Variants in ASTN2 observed in about 807,000 individuals in gnomAD.
ASTN2 encodes astrotactin 2.
ASTN2 carries 54 observed loss-of-function variants against 139.8 expected under a neutral mutation model. The observed-to-expected ratio is 0.39, with a 90% confidence interval of 0.31 to 0.48. The LOEUF is 0.48. Ranked by LOEUF, ASTN2 falls within the 20% of genes least tolerant of loss-of-function variation. The pLI is 0.95. For synonymous variants in ASTN2, 756 were observed against 719.5 expected, an observed-to-expected ratio of 1.05 and a Z score of -0.81; for missense variants, 1,565 against 1,725.1, an observed-to-expected ratio of 0.91 and a Z score of 1.64.
At chr9:116,526,354 G>A (rs781305207) in intron 19 of ASTN2, among the ~76,000 whole-genome samples, 3 of 152,204 alleles carry the variant, frequency 2.0e-5, no homozygotes, top group Non-Finnish European at 2.9e-5. Flanking sequence ...GCTCATGCCT[G>A]TAATCCCAGC....
intron 1 of ASTN2, among the ~76,000 whole-genome samples, chr9:117,346,606 C>T (rs1307511572): frequency 2.6e-5 from 4 of 152,140 alleles, no homozygotes; most frequent in African/African-American, 7.2e-5. Context: ...TTTCCTGACA[C>T]ATCGTTTAGC....
intron 1 of ASTN2, among the ~76,000 whole-genome samples, chr9:117,358,955 C>T (rs142913747): frequency 6.6e-6 from 1 of 152,124 alleles, no homozygotes; most frequent in African/African-American, 2.4e-5. Context: ...AAACGTTGAT[C>T]TCCAACATCG....
intron 13 of ASTN2, among the ~76,000 whole-genome samples, chr9:116,777,131 T>C (rs4837849): frequency 0.9 from 136,468 of 152,108 alleles, 61,929 homozygotes; most frequent in East Asian, 1. Flanking sequence ...ATGGAGCCAA[T>C]AGGTGCTGAT....
At chr9:117,384,128 C>T (rs1830338645) in intron 1 of ASTN2, among the ~76,000 whole-genome samples, 1 of 152,076 alleles carries the variant, frequency 6.6e-6, no homozygotes, top group Admixed American at 6.5e-5. Flanking sequence ...GACTGAGCTG[C>T]TGGGCGGGGT....
chr9:117,388,945 A>C (rs978195279), intron 1 of ASTN2, among the ~76,000 whole-genome samples: 1 of 152,232 alleles, frequency 6.6e-6, no homozygotes. Flanking sequence ...GTGCAAAGAA[A>C]CAAGTACAGA....
At chr9:117,362,544 G>T (rs79111420) in intron 1 of ASTN2, among the ~76,000 whole-genome samples, 3,488 of 152,196 alleles carry the variant, frequency 0.023, 80 homozygotes, top group South Asian at 0.11. Context: ...GGGTGAGGGG[G>T]TCCTATGGCC....
chr9:117,142,075 G>A (rs913848680), intron 3 of ASTN2, among the ~76,000 whole-genome samples: 1 of 152,170 alleles, frequency 6.6e-6, no homozygotes, highest in Non-Finnish European at 1.5e-5. Context: ...GAGCACGGAT[G>A]CTTGAGCATT....
Position 116,619,531 on chromosome 9 carries a change from ATGT to A in ASTN2, c.3206+776_3206+778del, listed in dbSNP as rs1160555029. On this transcript the variant is annotated intron_variant, in intron 18 of 22. Coordinates refer to ENST00000313400, the MANE Select transcript of ASTN2 (RefSeq NM_001365068.1). ...TTTTCACATTTTTCTTATTAAAAAA[ATGT>A]TGTTGTTGAGACAGGGTCTCACTCT... is the stretch of plus-strand genomic sequence containing the variant. Among the ~76,000 whole-genome samples the A allele has an allele frequency of 5.9e-5, 9 of 151,802 alleles. No individual in the cohort carries two copies. In the South Asian group the frequency reaches 6.2e-4, roughly 11 times the overall value.
chr9:117,060,946 G>A (rs185429165), intron 5 of ASTN2, among the ~76,000 whole-genome samples: 123 of 152,026 alleles, frequency 8.1e-4, no homozygotes, highest in African/African-American at 2.8e-3. Flanking sequence ...AAGTAGACAC[G>A]ATAGAATTTA....
At chr9:117,006,738 C>A (rs10983457) in intron 7 of ASTN2, among the ~76,000 whole-genome samples, 1 of 152,064 alleles carries the variant, frequency 6.6e-6, no homozygotes, top group Non-Finnish European at 1.5e-5. Flanking sequence ...GACCACCATG[C>A]CCCCAAACTT....
In ASTN2 at chr9:117,159,626, A is replaced by G. The variant is rs956256515; in HGVS notation, c.1016-18148T>C. 2.0e-5 allele frequency among the ~76,000 whole-genome samples: 3 copies of G among 152,034 alleles called. No homozygotes were observed. In the South Asian group the frequency reaches 6.2e-4, roughly 32 times the overall value. ...ATGCACAGCTAAATTTTGTGCATCT[A>G]CTGTATATCAGGTGCTTGATATAGA... On this transcript the variant is annotated intron_variant, in intron 3 of 22. Coordinates refer to ENST00000313400, the MANE Select transcript of ASTN2 (RefSeq NM_001365068.1).
intron 22 of ASTN2, chr9:116,437,097 A>C (rs1435896718): frequency 3.2e-6 from 1 of 315,486 alleles, no homozygotes; most frequent in African/African-American, 2.2e-5. Flanking sequence ...TGGGAGATAT[A>C]CCTAATGCTA....
chr9:116,449,117 AGT>A (rs1414051954), intron 20 of ASTN2, among the ~76,000 whole-genome samples: 2 of 152,210 alleles, frequency 1.3e-5, no homozygotes, highest in African/African-American at 2.4e-5. Context: ...TTGTCTTTAA[AGT>A]GTGTGGCCGG....
intron 4 of ASTN2, among the ~76,000 whole-genome samples, chr9:117,129,124 T>C (rs1157568378): frequency 1.3e-5 from 2 of 152,204 alleles, no homozygotes; most frequent in African/African-American, 2.4e-5. Flanking sequence ...ATTTCTTTCA[T>C]TGTCATAATT....
At chr9:116,942,753 A>G (rs1339721223) in intron 10 of ASTN2, among the ~76,000 whole-genome samples, 1 of 152,210 alleles carries the variant, frequency 6.6e-6, no homozygotes, top group East Asian at 1.9e-4. Flanking sequence ...TGACTTTCAG[A>G]TGAGGAAGAT....
intron 2 of ASTN2, among the ~76,000 whole-genome samples, chr9:117,266,179 C>T (rs1833935062): frequency 6.6e-6 from 1 of 152,162 alleles, no homozygotes; most frequent in Non-Finnish European, 1.5e-5. Flanking sequence ...AGGATTCAAG[C>T]TGCTCTAAAT....
chr9:116,586,812 T>TCA (rs141414264), intron 19 of ASTN2, among the ~76,000 whole-genome samples: 4,534 of 79,860 alleles, frequency 0.057, 131 homozygotes, highest in African/African-American at 0.064. Context: ...CAGTTGAAAT[T>TCA]CACACACACA....
rs1224600298 is a variant in ASTN2, at chr9:116,878,714, T to A, written c.1890-14981A>T. Among the ~76,000 whole-genome samples the A allele has an allele frequency of 4.6e-5, 7 of 151,778 alleles. No individual in the cohort carries two copies. In the East Asian group the frequency reaches 9.6e-4, roughly 21 times the overall value. ...ATTCCAGAACTTAAACTTATTTTTT[T>A]AAAAAAAGAAATTCTCCTCTTCACC... On this transcript the variant is annotated intron_variant, in intron 10 of 22. Transcript: ENST00000313400.
chr9:116,435,627 T>G (rs1847626617), intron 22 of ASTN2, among the ~76,000 whole-genome samples: 2 of 152,232 alleles, frequency 1.3e-5, no homozygotes, highest in African/African-American at 4.8e-5. Context: ...TGGTAATTCC[T>G]TCTGATGAGA....
Sources: gnomAD v4.1 joint callset for allele counts (sites outside exome capture counted in the v4.1 genomes callset) on GRCh38, gnomAD v4.1.1 for gene constraint, MANE v1.5 for transcripts, NCBI Gene and HGNC (gene_info 2026-07-23, HGNC 2026-07-21) for gene names.